Variants in SI observed in about 807,000 individuals in gnomAD.
The protein encoded by SI is sucrase-isomaltase, intestinal.
Under a neutral mutation model 253.3 loss-of-function variants are expected in SI, and 235 were observed. The observed-to-expected ratio is 0.93, with a 90% CI of 0.83 to 1.03. SI has a LOEUF of 1.03. Among genes scored for constraint, SI ranks in the 50% least tolerant of loss-of-function variants. The pLI, the probability that SI is intolerant of heterozygous loss-of-function variation, is 0.00. For missense variants in SI, 2,442 were observed against 2,211.1 expected (o/e 1.10, Z -2.09); for synonymous variants, 819 against 712.0 (o/e 1.15, Z -2.39).
At chr3:165,036,264 TA>T (rs1712523278) in intron 22 of SI, 124 bp downstream of exon 22, 1 of 692,026 alleles carries the variant, frequency 1.4e-6, no homozygotes, top group Non-Finnish European at 2.6e-6. Context: ...CTGAAACAGA[TA>T]AAAAACATTA....
At chr3:165,084,511 T>C in the SI span, among the ~76,000 whole-genome samples, 1 of 152,148 alleles carries the variant, frequency 6.6e-6, no homozygotes, top group South Asian at 2.1e-4. Context: ...AAAATTTTTT[T>C]CTGTATAATA....
In SI at chr3:164,991,308, A is replaced by T. The variant is rs764324991; in HGVS notation, c.5108+45T>A. On this transcript the variant is annotated intron_variant, in intron 44 of 47. Transcript: ENST00000264382. ...TCTATTTCTTAACAATGCTAGCATG[A>T]TGTATCTCAAAATTTAACCTGAGCT... 1.9e-6 allele frequency: 3 copies of T among 1,607,754 alleles called. No individual in the cohort carries two copies. The Admixed American group carries it at 5.0e-5, about 27-fold the overall frequency.
chr3:164,982,946 C>G, intron 46 of SI, 56 bp downstream of exon 46: 1 of 1,509,160 alleles, frequency 6.6e-7, no homozygotes, highest in Non-Finnish European at 9.1e-7. Context: ...CCACCCCACC[C>G]AGCTGTGAAC....
At position 165,039,957 on chromosome 3, in the gene SI, G is replaced by T. The variant is rs775552769; in HGVS notation, c.2174C>A (p.Thr725Lys). ...RPVLHEFYED[T>K]NSWIEDTEFL... ...CTCAGTGTCCTCAATCCAGCTGTTC[G>T]TATCCTCATAAAACCTAAGAACAAT... is the stretch of plus-strand genomic sequence containing the variant. The change falls in exon 19 of 48, where the codon ACG (threonine) becomes AAG (lysine). Residue 725 changes from threonine (T) to lysine (K), a missense_variant. Physicochemically the swap from Thr to Lys is moderately conservative, Grantham distance 78. Transcript: ENST00000264382. The T allele has an allele frequency of 6.2e-7, 1 of 1,611,672 alleles. No individual in the cohort carries two copies. Among genetic ancestry groups the T allele is most frequent in the South Asian group, 1.1e-5 (1 of 91,026 alleles).
At chr3:165,008,987 T>C (rs1220053821) in intron 35 of SI, among the ~76,000 whole-genome samples, 2 of 152,032 alleles carry the variant, frequency 1.3e-5, no homozygotes, top group African/African-American at 4.8e-5. Flanking sequence ...CACTTATTCC[T>C]ATATTAAATA....
At chr3:165,067,743 T>C (rs1714320673) in intron 5 of SI, among the ~76,000 whole-genome samples, 1 of 152,140 alleles carries the variant, frequency 6.6e-6, no homozygotes, top group South Asian at 2.1e-4. Context: ...CAGATTTTTA[T>C]TGACTGATAT....
At chr3:164,988,337 AG>A (rs1181325883) in intron 44 of SI, among the ~76,000 whole-genome samples, 1 of 152,198 alleles carries the variant, frequency 6.6e-6, no homozygotes, top group Non-Finnish European at 1.5e-5. Context: ...TTCAGTTCAC[AG>A]TCACTGGGGT....
chr3:165,004,061 T>C (rs1463011523), intron 37 of SI, among the ~76,000 whole-genome samples: 1 of 152,090 alleles, frequency 6.6e-6, no homozygotes, highest in African/African-American at 2.4e-5. Flanking sequence ...GACAAGGGAT[T>C]AATGACCAGA....
upstream of SI, among the ~76,000 whole-genome samples, chr3:165,079,819 A>C (rs373646893): frequency 6.6e-6 from 1 of 151,846 alleles, no homozygotes; most frequent in South Asian, 2.1e-4. Flanking sequence ...AAGTTGATAG[A>C]TAGCTAGATT....
In SI at chr3:165,041,097, G is replaced by A. The variant is rs774245762; in HGVS notation, c.2005-3C>T. On this transcript the variant is annotated splice_polypyrimidine_tract_variant and splice_region_variant and intron_variant, in intron 17 of 47. Coordinates refer to ENST00000264382, the MANE Select transcript of SI (RefSeq NM_001041.4). ...CCAAAAAATGCAGGATCCTGATGCT[G>A]TGAGATAGAAAGAGAAATTAAAATA... 5.9e-5 allele frequency: 95 copies of A among 1,612,004 alleles called. No individual in the cohort carries two copies. Among genetic ancestry groups the A allele is most frequent in the East Asian group, 2.2e-4 (10 of 44,690 alleles).
chr3:165,010,734 A>C (rs546354260), intron 34 of SI, among the ~76,000 whole-genome samples: 1 of 152,306 alleles, frequency 6.6e-6, no homozygotes, highest in East Asian at 1.9e-4. Context: ...TTATATCCAG[A>C]AAATCAATCA....
chr3:165,080,798 T>G (rs1381076365), upstream of SI, among the ~76,000 whole-genome samples: 1 of 152,012 alleles, frequency 6.6e-6, no homozygotes, highest in Non-Finnish European at 1.5e-5. Context: ...ATATACCTAA[T>G]GTAAATGACT....
At chr3:165,049,312 T>C (rs1713310369) in intron 14 of SI, 68 bp from the exon 15 acceptor site, 1 of 880,048 alleles carries the variant, frequency 1.1e-6, no homozygotes, top group South Asian at 1.4e-5. Flanking sequence ...TTTTCCATCA[T>C]AAATGTCATA....
At chr3:165,033,722 C>A (rs992426736) in intron 22 of SI, among the ~76,000 whole-genome samples, 63 of 151,512 alleles carry the variant, frequency 4.2e-4, no homozygotes, top group African/African-American at 1.5e-3. Flanking sequence ...GAAAGCAAAA[C>A]TTACAGTAAA....
chr3:165,057,795 G>A (rs1713769934), intron 12 of SI, among the ~76,000 whole-genome samples: 1 of 151,520 alleles, frequency 6.6e-6, no homozygotes, highest in African/African-American at 2.4e-5. Flanking sequence ...TCAAGCAAAA[G>A]CTGAGGGATT....
chr3:165,020,002 A>C (rs2108180599), intron 27 of SI, among the ~76,000 whole-genome samples: 1 of 151,898 alleles, frequency 6.6e-6, no homozygotes, highest in East Asian at 1.9e-4. Context: ...GAATCATAAT[A>C]TAAATAATAT....
rs779856492 is a variant in SI, at chr3:165,063,509, G to C, written c.840C>G (p.Phe280Leu). 3 of 1,547,318 alleles carry C rather than the reference G, an allele frequency of 1.9e-6. No individual in the cohort carries two copies. The highest frequency in any genetic ancestry group is 2.7e-6 in the Non-Finnish European group (3 of 1,129,296). Residue 280 changes from phenylalanine (F) to leucine (L), a missense_variant, in exon 8 of 48, where the codon TTC becomes TTG. Transcript: ENST00000264382. ...NNNNLYGHQT[F>L]FMCIEDTSGK... ...CAGATGTATCTTCAATACACATAAA[G>C]AATGTTTGATGGCCGTATAAATTAT...
intron 9 of SI, 106 bp downstream of exon 9, chr3:165,062,265 G>C (rs1714022798): frequency 3.0e-6 from 2 of 670,510 alleles, no homozygotes; most frequent in Admixed American, 2.5e-5. Flanking sequence ...AAAACATTTA[G>C]CTAAGAGGCC....
chr3:165,066,523 T>C (rs1714255808), intron 6 of SI, among the ~76,000 whole-genome samples: 2 of 151,968 alleles, frequency 1.3e-5, no homozygotes, highest in African/African-American at 2.4e-5. Context: ...AGTCATCATG[T>C]TGATTGGTCT....
Sources: allele counts gnomAD v4.1 joint callset (sites outside exome capture counted in the v4.1 genomes callset), GRCh38; gene constraint gnomAD v4.1.1; transcripts MANE v1.5; gene names NCBI Gene and HGNC (gene_info 2026-07-23, HGNC 2026-07-21).